The following JAK3 variants were observed in gnomAD, a reference collection of about 807,000 sequenced individuals.
The protein encoded by JAK3 is Janus kinase 3, also known as tyrosine-protein kinase JAK3.
Under a neutral mutation model 120.8 loss-of-function variants are expected in JAK3, and 88 were observed. The ratio of observed to expected loss-of-function variants is 0.73; its 90% CI spans 0.61 to 0.87. JAK3 has a LOEUF of 0.87. Among genes scored for constraint, JAK3 ranks in the 40% least tolerant of loss-of-function variants. The pLI is 0.00. For synonymous variants in JAK3, 592 were observed against 628.6 expected, an observed-to-expected ratio of 0.94 and a Z score of 0.87; for missense variants, 1,254 against 1,501.4, an observed-to-expected ratio of 0.84 and a Z score of 2.72.
chr19:17,842,906 T>G lies in JAK3; in HGVS notation c.566+121A>C. 1 of 1,398,980 alleles carries G rather than the reference T, an allele frequency of 7.1e-7. No individual in the cohort carries two copies. The highest frequency in any genetic ancestry group is 9.9e-7 in the Non-Finnish European group (1 of 1,007,176). The allele number at this position is 1,398,980 out of a possible 1,614,324, so 86.7% of individuals were successfully genotyped here. The stretch of plus-strand genomic sequence containing the variant: ...GGCTGGGTTCGTGGGAGGCCCTGGG[T>G]CATAGGAACACCCTGAAAGCTTGCA... On this transcript the variant is annotated intron_variant, in intron 5 of 23. Transcript: ENST00000458235. The surrounding 1 kb of genome is among the most constrained non-coding windows in gnomAD (Gnocchi z 6.4).
chr19:17,835,305 C>G (rs2094222273), intron 14 of JAK3, 90 bp from the exon 15 acceptor site: 1 of 1,482,070 alleles, frequency 6.7e-7, no homozygotes, highest in South Asian at 1.2e-5. Flanking sequence ...TCAAAACCCA[C>G]TTGGTACTGC....
chr19:17,844,143 T>A, intron 2 of JAK3, 91 bp downstream of exon 2: 1 of 1,386,738 alleles, frequency 7.2e-7, no homozygotes, highest in Non-Finnish European at 1.0e-6. Flanking sequence ...GCTCCGATGC[T>A]GACTTCTGCA....
Position 17,835,153 on chromosome 19 carries a change from C to A in JAK3, c.1977G>T (p.Gly659=), listed in dbSNP as rs1314145217. 1 of 1,614,228 alleles carries A rather than the reference C, an allele frequency of 6.2e-7. No homozygotes were observed. Among genetic ancestry groups the A allele is most frequent in the Admixed American group, 1.7e-5 (1 of 60,026 alleles). The change falls in exon 15 of 24, where the codon GGG becomes GGT. Residue 659 remains glycine (G), a synonymous_variant. Coordinates refer to ENST00000458235, the MANE Select transcript of JAK3 (RefSeq NM_000215.4). ...SARKVLLARE[G]ADGSPPFIKL... is the part of the protein sequence containing the mutation. ...TGATGAAGGGCGGGCTCCCATCAGC[C>A]CCCTCCCGAGCCAGGAGCACCTTCC... is the stretch of plus-strand genomic sequence containing the variant.
rs2147699499 is a variant in JAK3 at position 17,843,416 on chromosome 19, G to T, written c.384C>A (p.Ile128=). The part of the protein sequence containing the change: ...FGLRKDLASA[I]LDLPVLEHLF... Reference sequence around the variant, plus strand: ...GGTGCTCCAGGACTGGCAGGTCAAGGATAGCACTGGCCAAATCCTTGCGTA... The same window carrying T: ...GGTGCTCCAGGACTGGCAGGTCAAGTATAGCACTGGCCAAATCCTTGCGTA... Residue 128 remains isoleucine (I), a synonymous_variant, in exon 4 of 24, where the codon ATC becomes ATA. Transcript: ENST00000458235. This position sits in a 1 kb window ranked among gnomAD's most constrained non-coding sequence, Gnocchi z 5.4. 1 of 1,595,764 alleles carries T rather than the reference G, an allele frequency of 6.3e-7. No homozygotes were observed. The highest frequency in any genetic ancestry group is 8.5e-7 in the Non-Finnish European group (1 of 1,171,726).
rs2094203954 is a variant in JAK3, at chr19:17,826,403, A to T, written c.*340T>A. The T allele has an allele frequency of 3.2e-6, 1 of 308,664 alleles. No homozygotes were observed. Among genetic ancestry groups the T allele is most frequent in the Non-Finnish European group, 6.1e-6 (1 of 163,402 alleles). The allele number at this position is 308,664 out of a possible 1,614,324, so 19.1% of individuals were successfully genotyped here. A position where few individuals can be genotyped will look rare whatever the true frequency, so the allele number is the denominator to read the frequency against. On this transcript the variant is annotated 3_prime_UTR_variant, in exon 24 of 24. Coordinates refer to ENST00000458235, the MANE Select transcript of JAK3 (RefSeq NM_000215.4). ...CTGTCTCAAAAATAAAAATAAAAATAAAAAAAATAAAAAGAGAGAGACAGA... is the reference window on the plus strand; with the variant it reads ...CTGTCTCAAAAATAAAAATAAAAATTAAAAAAATAAAAAGAGAGAGACAGA...
In JAK3 at chr19:17,839,578, T is replaced by A. The variant is rs1170573879; in HGVS notation, c.1340A>T (p.His447Leu). The change falls in exon 10 of 24, where the codon CAC becomes CTC. Residue 447 changes from histidine to leucine, a missense_variant. This residue lies in a region of JAK3 where 486 missense variants were observed against 503.0 expected (regional missense o/e 0.97). Coordinates refer to ENST00000458235, the MANE Select transcript of JAK3 (RefSeq NM_000215.4). ...TGCCAGGAGCTCTCGAAGACTGCTG[T>A]GGGGTCGGCTGAGGCCAACCAGAAG... The part of the protein sequence containing the change: ...TFLLVGLSRP[H>L]SSLRELLATC... 1.9e-6 allele frequency: 3 copies of A among 1,611,108 alleles called. No homozygotes were observed. The highest frequency in any genetic ancestry group is 2.5e-6 in the Non-Finnish European group (3 of 1,179,060).
Position 17,831,215 on chromosome 19 carries a change from G to A in JAK3, c.2978+13C>T. ...TGGGGAATAGGGGCGGAGCCTAGGC[G>A]CGGGTTCCCCACCAGAAAATGGGGC... On this transcript the variant is annotated intron_variant, in intron 21 of 23. Coordinates refer to ENST00000458235, the MANE Select transcript of JAK3 (RefSeq NM_000215.4). The surrounding 1 kb of genome is among the most constrained non-coding windows in gnomAD (Gnocchi z 5.1). 6.2e-7 allele frequency: 1 copy of A among 1,610,408 alleles called. No homozygotes were observed. Among genetic ancestry groups the A allele is most frequent in the Non-Finnish European group, 8.5e-7 (1 of 1,179,124 alleles).
Position 17,844,356 on chromosome 19 carries a change from G to A in JAK3, c.62C>T (p.Thr21Met), listed in dbSNP as rs752820429. 7 of 1,612,168 alleles carry A rather than the reference G, an allele frequency of 4.3e-6. No homozygotes were observed. Among genetic ancestry groups the A allele is most frequent in the South Asian group, 1.1e-5 (1 of 90,906 alleles). The stretch of plus-strand genomic sequence containing the variant: ...CAGCACATGCAGGGCACCAGCCTCC[G>A]TGGACAAGAGGCTGCATGAACGCTG... ...IPQRSCSLLS[T>M]EAGALHVLLP... Residue 21 changes from threonine (T) to methionine (M), a missense_variant, in exon 2 of 24, where the codon ACG (threonine) becomes ATG (methionine). Transcript: ENST00000458235.
In JAK3 at chr19:17,842,981, G is replaced by A. The variant is rs200418726; in HGVS notation, c.566+46C>T. ...GCAAAGCCCCGATGGAGCCCACGTT[G>A]CTCACTCCCAAGCAGAGGCCGTCCC... On this transcript the variant is annotated intron_variant, in intron 5 of 23. Transcript: ENST00000458235. This position sits in a 1 kb window ranked among gnomAD's most constrained non-coding sequence, Gnocchi z 6.4. The A allele has an allele frequency of 6.2e-6, 10 of 1,604,952 alleles. No individual in the cohort carries two copies. Among genetic ancestry groups the A allele is most frequent in the Non-Finnish European group, 1.7e-6 (2 of 1,178,828 alleles).
chr19:17,830,008 C>T, intron 23 of JAK3, 100 bp downstream of exon 23: 1 of 869,400 alleles, frequency 1.2e-6, no homozygotes, highest in Non-Finnish European at 1.9e-6. Flanking sequence ...CACACTCTAG[C>T]CTTTCTTCTC....
chr19:17,841,294 G>T lies in JAK3; in HGVS notation c.1142+95C>A. The T allele has an allele frequency of 7.5e-7, 1 of 1,336,720 alleles. No individual in the cohort carries two copies. Among genetic ancestry groups the T allele is most frequent in the Non-Finnish European group, 1.0e-6 (1 of 977,928 alleles). 82.8% of individuals were successfully genotyped at this position (1,336,720 alleles called of 1,614,324 possible). A position where few individuals can be genotyped will look rare whatever the true frequency, so the allele number is the denominator to read the frequency against. On this transcript the variant is annotated intron_variant, in intron 8 of 23. Transcript: ENST00000458235. This position sits in a 1 kb window ranked among gnomAD's most constrained non-coding sequence, Gnocchi z 4.1. ...GGTGTGGTTTGAAAACTTGACCCCT[G>T]TCCAGGGCTCCTGGAAGGTGAGGAC...
intron 21 of JAK3, 56 bp from the exon 22 acceptor site, chr19:17,830,676 G>A: frequency 7.1e-7 from 1 of 1,415,614 alleles, no homozygotes; most frequent in Non-Finnish European, 1.0e-6. Flanking sequence ...AGGAAGAGGG[G>A]GGCAGCCTTG....
chr19:17,837,273 A>C, intron 12 of JAK3, 60 bp from the exon 13 acceptor site: 7 of 1,397,318 alleles, frequency 5.0e-6, no homozygotes, highest in Non-Finnish European at 6.9e-6. Flanking sequence ...ATAATCCCAA[A>C]TTTTGTGCTC....
rs374870027 is a variant in JAK3, at chr19:17,836,096, C to T, written c.1787-45G>A. 8 of 1,610,298 alleles carry T rather than the reference C, an allele frequency of 5.0e-6. No individual in the cohort carries two copies. In the African/African-American group the frequency reaches 9.4e-5, roughly 19 times the overall value. The stretch of plus-strand genomic sequence containing the variant: ...GGCGGGGTTGGGAGACTGAACTGCA[C>T]TTGTGTTGAGGAGGTTCTGCCAACA... On this transcript the variant is annotated intron_variant, in intron 13 of 23. Transcript: ENST00000458235.
In JAK3 at chr19:17,839,740, T is replaced by TC. The variant is rs2094233390; in HGVS notation, c.1255-78_1255-77insG. 3 of 441,530 alleles carry TC rather than the reference T, an allele frequency of 6.8e-6. No homozygotes were observed. The African/African-American group carries it at 8.9e-5, about 13-fold the overall frequency. The allele number at this position is 441,530 out of a possible 1,614,324, so 27.4% of individuals were successfully genotyped here. On this transcript the variant is annotated intron_variant, in intron 9 of 23. Coordinates refer to ENST00000458235, the MANE Select transcript of JAK3 (RefSeq NM_000215.4). ...CTCAGTCCTTCTTCCTTTTTTTTCT[T>TC]TTTTTTTTTTTTTTTTTGGAGACGG...
chr19:17,828,802 T>C (rs1405207864), intron 23 of JAK3, among the ~76,000 whole-genome samples: 1 of 152,204 alleles, frequency 6.6e-6, no homozygotes, highest in African/African-American at 2.4e-5. Flanking sequence ...AGCAAATTAA[T>C]TTATCAATGA....
In JAK3 at chr19:17,838,733, T is replaced by TTTTTGG. The variant is rs398034136; in HGVS notation, c.1442-344_1442-343insCCAAAA. Among the ~76,000 whole-genome samples the TTTTTGG allele has an allele frequency of 2.2e-5, 3 of 137,312 alleles. 1 individual carries two copies. The highest frequency in any genetic ancestry group is 3.1e-5 in the Non-Finnish European group (2 of 64,050). The allele number at this position is 137,312 out of a possible 152,430, so 90.1% of individuals were successfully genotyped here. ...GCTAATTTTTTTTTTTTTTTTTTTT[T>TTTTTGG]GAGACAGAGTCTCGCTCTGTCACCC... On this transcript the variant is annotated intron_variant, in intron 10 of 23. Transcript: ENST00000458235.
chr19:17,844,176 C>G, intron 2 of JAK3, 58 bp downstream of exon 2: 1 of 1,504,390 alleles, frequency 6.6e-7, no homozygotes, highest in Non-Finnish European at 9.0e-7. Context: ...AGCTTCCAAT[C>G]TTGGCCCCAC....
At position 17,826,746 on chromosome 19, in the gene JAK3, T is replaced by C; in HGVS notation, c.3372A>G (p.Ser1124=). The change falls in exon 24 of 24, where the codon TCA becomes TCG. Residue 1124 remains serine, a synonymous_variant. Transcript: ENST00000458235. ...PEGKHHSLSF[S] is the part of the protein sequence containing the mutation. ...TCCAGAGGTCTGCGGGCAGGAGCTA[T>C]GAAAAGGACAGGGAGTGGTGTTTGC... 2 of 1,613,948 alleles carry C rather than the reference T, an allele frequency of 1.2e-6. No homozygotes were observed.
Sources: gnomAD v4.1 joint callset for allele counts (sites outside exome capture counted in the v4.1 genomes callset) on GRCh38, gnomAD v4.1.1 for gene constraint, gnomAD v4.1.1 regional missense constraint, Gnocchi (gnomAD v3.1) non-coding constraint, MANE v1.5 for transcripts, NCBI Gene and HGNC (gene_info 2026-07-23, HGNC 2026-07-21) for gene names.